The following FBF1 variants were observed in gnomAD, a reference collection of about 807,000 sequenced individuals.
The protein encoded by FBF1 is fas-binding factor 1.
A neutral mutation model predicts 147.2 loss-of-function variants in FBF1; 119 were observed. That is an observed-to-expected ratio of 0.81 (90% CI 0.70 to 0.94). The LOEUF is 0.94. FBF1 is among the 40% of genes least tolerant of loss of function. The probability of loss-of-function intolerance (pLI) is 0.00; values close to 1 mark genes in which losing one functional copy is unlikely to be tolerated. For synonymous variants in FBF1, 601 were observed against 609.0 expected (o/e 0.99, Z 0.19); for missense variants, 1,449 against 1,500.8 (o/e 0.97, Z 0.57).
rs1201598550 is a variant in FBF1 at position 75,928,488 on chromosome 17, G to A, written c.280-295C>T. On this transcript the variant is annotated intron_variant, in intron 7 of 29. Transcript: ENST00000636174. The surrounding 1 kb of genome is among the most constrained non-coding windows in gnomAD (Gnocchi z 4.2). ...CCAGGGATCCTAGGTGGCTGGTCTC[G>A]GGAAAAAAGCTTTCTTTTTTTTCTT... is the stretch of plus-strand genomic sequence containing the variant. Among the ~76,000 whole-genome samples, 4 of 151,968 alleles carry A rather than the reference G, an allele frequency of 2.6e-5. No homozygotes were observed. The highest frequency in any genetic ancestry group is 1.3e-4 in the Admixed American group (2 of 15,248).
chr17:75,916,651 AGAT>A (rs2065490996), intron 23 of FBF1, among the ~76,000 whole-genome samples: 2 of 152,214 alleles, frequency 1.3e-5, no homozygotes, highest in African/African-American at 4.8e-5. Flanking sequence ...AAACCTTAGA[AGAT>A]GATAACTACT....
At chr17:75,929,945 A>AGGGGGGGCCCCCCCCCCCC in intron 7 of FBF1, 52 bp downstream of exon 7, 2 of 650,908 alleles carry the variant, frequency 3.1e-6, no homozygotes, top group Non-Finnish European at 5.6e-6. Flanking sequence ...AAATATCATG[A>AGGGGGGGCCCCCCCCCCCC]CCCCACCCCA....
chr17:75,909,996 G>T lies in FBF1; in HGVS notation c.*727C>A, dbSNP rs1390179725. On this transcript the variant is annotated 3_prime_UTR_variant, in exon 30 of 30. Coordinates refer to ENST00000636174, the MANE Select transcript of FBF1 (RefSeq NM_001319193.2). ...CTTTGGGCAGGTGAGCAGCACAGAG[G>T]CTTCCCTCCTCGTCCCTCCCCACAC... is the stretch of plus-strand genomic sequence containing the variant. 1.5e-6 allele frequency: 1 copy of T among 687,198 alleles called. No homozygotes were observed. The highest frequency in any genetic ancestry group is 1.8e-5 in the African/African-American group (1 of 57,054). The allele number at this position is 687,198 out of a possible 1,614,324, so 42.6% of individuals were successfully genotyped here.
In FBF1 at chr17:75,925,286, G is replaced by A. The variant is rs991084278; in HGVS notation, c.968+61C>T. ...GGTGGGACAGGGGACAGCTGCAGGG[G>A]CCTGTCTTCCCAGTGGCCGACCTGT... is the stretch of plus-strand genomic sequence containing the variant. On this transcript the variant is annotated intron_variant, in intron 13 of 29. Transcript: ENST00000636174. This position sits in a 1 kb window ranked among gnomAD's most constrained non-coding sequence, Gnocchi z 5.0. The A allele has an allele frequency of 2.4e-5, 32 of 1,325,042 alleles. No homozygotes were observed. Among genetic ancestry groups the A allele is most frequent in the Non-Finnish European group, 3.4e-5 (32 of 941,602 alleles). The allele number at this position is 1,325,042 out of a possible 1,614,324, so 82.1% of individuals were successfully genotyped here. A position where few individuals can be genotyped will look rare whatever the true frequency, so the allele number is the denominator to read the frequency against.
At chr17:75,938,846 C>G (rs1215148094) in intron 1 of FBF1, among the ~76,000 whole-genome samples, 1 of 145,876 alleles carries the variant, frequency 6.9e-6, no homozygotes, top group Non-Finnish European at 1.5e-5. Flanking sequence ...GCCTGGGCAA[C>G]AGAGCAAGAC....
In FBF1 at chr17:75,921,573, G is replaced by C; in HGVS notation, c.1527-13C>G. 6.2e-7 allele frequency: 1 copy of C among 1,607,876 alleles called. No individual in the cohort carries two copies. The highest frequency in any genetic ancestry group is 8.5e-7 in the Non-Finnish European group (1 of 1,176,548). On this transcript the variant is annotated splice_polypyrimidine_tract_variant and intron_variant, in intron 15 of 29. Coordinates refer to ENST00000636174, the MANE Select transcript of FBF1 (RefSeq NM_001319193.2). ...AGTCACAGGGGACCTGAGGACACAG[G>C]GATGGGGCATGGTGAGCAGCCTCTG...
At chr17:75,938,007 C>T in intron 2 of FBF1, 140 bp downstream of exon 2, 1 of 1,296,376 alleles carries the variant, frequency 7.7e-7, no homozygotes, top group Non-Finnish European at 1.1e-6. Context: ...TCAATGCCAC[C>T]TCCTGTCACT....
At chr17:75,920,194 TGGGGAA>T in intron 18 of FBF1, 74 bp downstream of exon 18, 1 of 1,588,862 alleles carries the variant, frequency 6.3e-7, no homozygotes, top group Non-Finnish European at 8.6e-7. Context: ...TCCTCCCTCC[TGGGGAA>T]GCTTCCAGCC....
chr17:75,918,770 G>C lies in FBF1; in HGVS notation c.2139-501C>G, dbSNP rs959806681. Among the ~76,000 whole-genome samples, 2 of 150,556 alleles carry C rather than the reference G, an allele frequency of 1.3e-5. No homozygotes were observed. The highest frequency in any genetic ancestry group is 2.9e-5 in the Non-Finnish European group (2 of 67,856). ...GCCTCCCAAAGCACTGGGATTACAG[G>C]TGTGAGCCACCACGCCCGGCCCCAA... On this transcript the variant is annotated intron_variant, in intron 20 of 29. Transcript: ENST00000636174. The surrounding 1 kb of genome is among the most constrained non-coding windows in gnomAD (Gnocchi z 5.8).
intron 29 of FBF1, among the ~76,000 whole-genome samples, chr17:75,911,031 C>A (rs1465470410): frequency 1.3e-5 from 2 of 152,172 alleles, no homozygotes; most frequent in Non-Finnish European, 2.9e-5. Context: ...AACTTACGAG[C>A]ACATGACTTC....
At position 75,931,094 on chromosome 17, in the gene FBF1, C is replaced by A. The variant is rs1475966391; in HGVS notation, c.228+135G>T. Reference sequence around the variant, plus strand: ...TGAGCAACAGAGGGAGACTCCATCTCAAAAAACAAACAAAAAGAACAAAGT... The same window carrying A: ...TGAGCAACAGAGGGAGACTCCATCTAAAAAAACAAACAAAAAGAACAAAGT... On this transcript the variant is annotated intron_variant, in intron 6 of 29. Coordinates refer to ENST00000636174, the MANE Select transcript of FBF1 (RefSeq NM_001319193.2). 4 of 934,104 alleles carry A rather than the reference C, an allele frequency of 4.3e-6. No individual in the cohort carries two copies. The African/African-American group carries it at 6.6e-5, about 15-fold the overall frequency. The allele number at this position is 934,104 out of a possible 1,614,324, so 57.9% of individuals were successfully genotyped here.
Position 75,938,196 on chromosome 17 carries a change from G to C in FBF1, c.-47C>G. On this transcript the variant is annotated 5_prime_UTR_variant, in exon 2 of 30. Transcript: ENST00000636174. ...CTCAGCTCCTTCACAGCACTGGCCA[G>C]CTCATCTGGATTCTGCCCACATCAG... 6.2e-7 allele frequency: 1 copy of C among 1,613,060 alleles called. No individual in the cohort carries two copies. Among genetic ancestry groups the C allele is most frequent in the Non-Finnish European group, 8.5e-7 (1 of 1,179,618 alleles).
intron 29 of FBF1, among the ~76,000 whole-genome samples, chr17:75,911,432 G>T (rs941099102): frequency 1.3e-5 from 2 of 152,134 alleles, no homozygotes; most frequent in Non-Finnish European, 2.9e-5. Flanking sequence ...CTGTAGCCTC[G>T]ACCAGCTGGG....
chr17:75,913,218 G>A (rs193147180), intron 28 of FBF1, among the ~76,000 whole-genome samples: 1 of 146,672 alleles, frequency 6.8e-6, no homozygotes, highest in Admixed American at 6.9e-5. Flanking sequence ...GCACAATCTC[G>A]GCTTACTGCA....
intron 28 of FBF1, among the ~76,000 whole-genome samples, chr17:75,912,578 T>C (rs1328143636): frequency 1.3e-5 from 2 of 152,230 alleles, no homozygotes; most frequent in Non-Finnish European, 2.9e-5. Context: ...TCTTTCTCTT[T>C]AAGACAACAA....
chr17:75,936,652 G>T (rs1387817537), intron 3 of FBF1, among the ~76,000 whole-genome samples: 1 of 151,878 alleles, frequency 6.6e-6, no homozygotes, highest in Non-Finnish European at 1.5e-5. Context: ...TCTACCCCGG[G>T]CAACAGAGCA....
chr17:75,916,392 G>A (rs2144157584), intron 23 of FBF1, among the ~76,000 whole-genome samples: 1 of 152,156 alleles, frequency 6.6e-6, no homozygotes, highest in African/African-American at 2.4e-5. Flanking sequence ...GGCCTAAGTG[G>A]GCAGATTGCT....
In FBF1 at chr17:75,933,189, G is replaced by C. The variant is rs2065604831; in HGVS notation, c.74-101C>G. 8.9e-6 allele frequency: 8 copies of C among 894,168 alleles called. No individual in the cohort carries two copies. The East Asian group carries it at 2.2e-4, about 24-fold the overall frequency. 55.4% of individuals were successfully genotyped at this position (894,168 alleles called of 1,614,324 possible). A position where few individuals can be genotyped will look rare whatever the true frequency, so the allele number is the denominator to read the frequency against. ...CCCTTCCCAAGCTGTCTCTGTATTA[G>C]GAGGAAGAAATCTGGCCAAATAGGC... On this transcript the variant is annotated intron_variant, in intron 4 of 29. Transcript: ENST00000636174.
chr17:75,921,647 G>C, intron 15 of FBF1, 87 bp from the exon 16 acceptor site: 1 of 927,626 alleles, frequency 1.1e-6, no homozygotes, highest in Non-Finnish European at 1.7e-6. Context: ...GGTGGGACAT[G>C]GGGACGGGGC....
Sources: allele counts gnomAD v4.1 joint callset (sites outside exome capture counted in the v4.1 genomes callset), GRCh38; gene constraint gnomAD v4.1.1; non-coding constraint Gnocchi (gnomAD v3.1); transcripts MANE v1.5; gene names NCBI Gene and HGNC (gene_info 2026-07-23, HGNC 2026-07-21).